KCNMA1: variants seen among roughly 807,000 people sequenced by gnomAD.
The protein encoded by KCNMA1 is potassium calcium-activated channel subfamily M alpha 1, also known as Calcium-activated potassium channel subunit alpha-1.
In KCNMA1, 29 loss-of-function variants were observed where a neutral mutation model predicts 140.0. The observed-to-expected ratio is 0.21, with a 90% CI of 0.15 to 0.28. The LOEUF (loss-of-function observed/expected upper bound fraction) is 0.28, where lower values mean the gene tolerates loss of function less well. Ranked by LOEUF, KCNMA1 falls within the 10% of genes least tolerant of loss-of-function variation. The probability of loss-of-function intolerance (pLI) is 1.00; values close to 1 mark genes in which losing one functional copy is unlikely to be tolerated. For missense variants in KCNMA1, 880 were observed against 1,602.2 expected, an observed-to-expected ratio of 0.55 and a Z score of 7.70; for synonymous variants, 612 against 611.9, an observed-to-expected ratio of 1.00 and a Z score of 0.00.
chr10:77,046,385 C>G (rs954797868), intron 14 of KCNMA1, among the ~76,000 whole-genome samples: 32 of 151,992 alleles, frequency 2.1e-4, no homozygotes, highest in Admixed American at 1.6e-3. Flanking sequence ...GACCCCACAC[C>G]CCCCAAGAAA....
intron 25 of KCNMA1, among the ~76,000 whole-genome samples, chr10:76,898,458 A>G (rs1589873736): frequency 6.6e-6 from 1 of 152,002 alleles, no homozygotes; most frequent in East Asian, 1.9e-4. Context: ...AAGAAAATTG[A>G]GGATATAATC....
At chr10:76,992,470 T>G (rs2083047621) in intron 19 of KCNMA1, among the ~76,000 whole-genome samples, 1 of 152,174 alleles carries the variant, frequency 6.6e-6, no homozygotes, top group South Asian at 2.1e-4. Context: ...GCAGAACCCC[T>G]GTAAGCAGAT....
intron 1 of KCNMA1, among the ~76,000 whole-genome samples, chr10:77,512,326 CACAGT>C (rs1311978036): frequency 6.6e-6 from 1 of 152,152 alleles, no homozygotes; most frequent in Non-Finnish European, 1.5e-5. Context: ...TTCAGTTACC[CACAGT>C]ACAGTACAAT....
chr10:77,035,914 G>A (rs1023133078), intron 15 of KCNMA1, among the ~76,000 whole-genome samples: 6 of 152,136 alleles, frequency 3.9e-5, no homozygotes, highest in Admixed American at 3.9e-4. Flanking sequence ...CAACTTGATT[G>A]GACTGAAGGA....
chr10:77,009,465 G>A (rs912019691), intron 18 of KCNMA1, among the ~76,000 whole-genome samples: 1 of 152,104 alleles, frequency 6.6e-6, no homozygotes, highest in Non-Finnish European at 1.5e-5. Flanking sequence ...CAATGTCAGA[G>A]CAAGAGTCAG....
Position 77,192,362 on chromosome 10 carries a change from A to C in KCNMA1, c.603-7446T>G, listed in dbSNP as rs573581698. Among the ~76,000 whole-genome samples the C allele has an allele frequency of 2.6e-5, 4 of 152,310 alleles. No homozygotes were observed. In the South Asian group the frequency reaches 8.3e-4, roughly 32 times the overall value. ...ACTTCAATATTATATCTGAACTAAG[A>C]GTCTCCTTTCCCATCTTCATTCCAT... On this transcript the variant is annotated intron_variant, in intron 3 of 27. Coordinates refer to ENST00000286628, the MANE Select transcript of KCNMA1 (RefSeq NM_001161352.2).
chr10:76,970,010 A>G lies in KCNMA1; in HGVS notation c.2324T>C (p.Met775Thr). ...SPKKKQRNGG[M>T]RNSPNTSPKL... Reference sequence around the variant, plus strand: ...AGGCGAGGTGTTGGGTGAGTTCCGCATGCCTCCATTCCGTTGCTTTTTTTT... The same window carrying G: ...AGGCGAGGTGTTGGGTGAGTTCCGCGTGCCTCCATTCCGTTGCTTTTTTTT... The change falls in exon 20 of 28, where the codon ATG (methionine) becomes ACG (threonine). Residue 775 changes from methionine (M) to threonine (T), a missense_variant. Around this residue, in one of 13 missense-constraint regions of KCNMA1, gnomAD observed 196 missense variants for 233.0 expected, o/e 0.84. Transcript: ENST00000286628. 6.2e-7 allele frequency: 1 copy of G among 1,613,736 alleles called. No homozygotes were observed. Among genetic ancestry groups the G allele is most frequent in the Non-Finnish European group, 8.5e-7 (1 of 1,179,918 alleles).
intron 1 of KCNMA1, among the ~76,000 whole-genome samples, chr10:77,579,188 G>A (rs751736355): frequency 1.4e-4 from 22 of 152,258 alleles, no homozygotes; most frequent in Non-Finnish European, 2.9e-4. Context: ...AAGGGGCAAA[G>A]CACAGAGGTG....
chr10:77,075,171 T>G (rs1565931461), intron 13 of KCNMA1, among the ~76,000 whole-genome samples: 1 of 152,220 alleles, frequency 6.6e-6, no homozygotes, highest in Non-Finnish European at 1.5e-5. Context: ...TGGTAATTGC[T>G]GTCAAACTAT....
Position 76,916,778 on chromosome 10 carries a change from G to A in KCNMA1, c.2903-1729C>T, listed in dbSNP as rs200810063. Among the ~76,000 whole-genome samples, 6 of 152,160 alleles carry A rather than the reference G, an allele frequency of 3.9e-5. No individual in the cohort carries two copies. The East Asian group carries it at 9.6e-4, about 24-fold the overall frequency. On this transcript the variant is annotated intron_variant, in intron 23 of 27. Transcript: ENST00000286628. ...TAGGTGTGAGTCAGGAATGAAATAC[G>A]GGAGCTCAATAATTGCCTGTTGTTT...
At position 77,637,586 on chromosome 10, in the gene KCNMA1, T is replaced by G. The variant is rs2093895962; in HGVS notation, c.57A>C (p.Gly19=). 6.6e-7 allele frequency: 1 copy of G among 1,524,850 alleles called. No homozygotes were observed. Among genetic ancestry groups the G allele is most frequent in the Non-Finnish European group, 8.8e-7 (1 of 1,138,770 alleles). 94.5% of individuals were successfully genotyped at this position (1,524,850 alleles called of 1,614,324 possible). ...GGSSGGGGGG[G]GSSLRMSSNI... ...TGCTACTCATTCTAAGACTGCTGCC[T>G]CCGCCGCCGCCGCCGCCGCCGCTGC... The change falls in exon 1 of 28, where the codon GGA becomes GGC. Residue 19 remains glycine, a synonymous_variant. Coordinates refer to ENST00000286628, the MANE Select transcript of KCNMA1 (RefSeq NM_001161352.2).
chr10:77,403,014 A>G (rs1436405180), intron 2 of KCNMA1, among the ~76,000 whole-genome samples: 1 of 152,168 alleles, frequency 6.6e-6, no homozygotes, highest in Admixed American at 6.5e-5. Flanking sequence ...CGACCAATTC[A>G]TCCCTGTTTG....
chr10:77,202,213 G>A (rs1252797830), intron 3 of KCNMA1, among the ~76,000 whole-genome samples: 1 of 151,982 alleles, frequency 6.6e-6, no homozygotes, highest in Non-Finnish European at 1.5e-5. Flanking sequence ...TATAAAAGAG[G>A]GATAAGAAAC....
chr10:77,588,048 G>T (rs977681028), intron 1 of KCNMA1, among the ~76,000 whole-genome samples: 3 of 152,286 alleles, frequency 2.0e-5, no homozygotes, highest in South Asian at 4.1e-4. Context: ...AGTCAAAGGG[G>T]CCTGGATCAC....
intron 2 of KCNMA1, among the ~76,000 whole-genome samples, chr10:77,265,454 A>T (rs961613025): frequency 1.3e-5 from 2 of 152,236 alleles, no homozygotes; most frequent in African/African-American, 4.8e-5. Flanking sequence ...AAAGATAAAA[A>T]GTTTATTCTT....
intron 19 of KCNMA1, among the ~76,000 whole-genome samples, chr10:76,988,690 T>G (rs2081950074): frequency 1.3e-5 from 2 of 152,120 alleles, no homozygotes; most frequent in South Asian, 4.2e-4. Flanking sequence ...CACATTGAAT[T>G]TGCTGACGAT....
At chr10:77,092,082 T>C (rs1387952100) in intron 9 of KCNMA1, 2 of 152,178 alleles carry the variant, frequency 1.3e-5, no homozygotes, top group Admixed American at 6.5e-5. Context: ...CTTAACATGA[T>C]CACTTTGCTC....
At chr10:76,974,971 T>C (rs2077055355) in intron 19 of KCNMA1, among the ~76,000 whole-genome samples, 1 of 152,162 alleles carries the variant, frequency 6.6e-6, no homozygotes, top group South Asian at 2.1e-4. Context: ...GAGTCATCAA[T>C]CCTTGGTGAT....
chr10:77,360,831 C>T (rs2093883077), intron 2 of KCNMA1, among the ~76,000 whole-genome samples: 1 of 152,124 alleles, frequency 6.6e-6, no homozygotes, highest in African/African-American at 2.4e-5. Context: ...CTCTGCAGGC[C>T]ACAGGGAGGG....
Sources: allele counts gnomAD v4.1 joint callset (sites outside exome capture counted in the v4.1 genomes callset), GRCh38; gene constraint gnomAD v4.1.1; regional missense constraint gnomAD v4.1.1; transcripts MANE v1.5; gene names NCBI Gene and HGNC (gene_info 2026-07-23, HGNC 2026-07-21).